TAFA2: variants seen among roughly 807,000 people sequenced by gnomAD.
TAFA2 encodes the protein chemokine-like protein TAFA-2.
TAFA2 carries 7 observed loss-of-function variants against 18.8 expected under a neutral mutation model. The ratio of observed to expected loss-of-function variants is 0.37; its 90% CI spans 0.21 to 0.70. The LOEUF (loss-of-function observed/expected upper bound fraction) is 0.70, where lower values mean the gene tolerates loss of function less well. Among genes scored for constraint, TAFA2 ranks in the 30% least tolerant of loss-of-function variants. The probability of loss-of-function intolerance (pLI) is 0.53; values close to 1 mark genes in which losing one functional copy is unlikely to be tolerated. For synonymous variants in TAFA2, 60 were observed against 54.2 expected (o/e 1.11, Z -0.47); for missense variants, 122 against 158.1 (o/e 0.77, Z 1.23).
intron 1 of TAFA2, among the ~76,000 whole-genome samples, chr12:61,914,331 C>G (rs144241020): frequency 1.1e-3 from 174 of 152,258 alleles, no homozygotes; most frequent in African/African-American, 3.9e-3. Flanking sequence ...TAGCCTCACA[C>G]CAGAAAAAGG....
rs77044463 is a variant in TAFA2, at chr12:61,728,738, C to T, written c.385-18321G>A. Among the ~76,000 whole-genome samples, 1,510 of 151,770 alleles carry T rather than the reference C, an allele frequency of 9.9e-3. 10 individuals are homozygous for T. The highest frequency in any genetic ancestry group is 0.027 in the Middle Eastern group (8 of 292). On this transcript the variant is annotated intron_variant, in intron 4 of 4. Transcript: ENST00000416284. ...ACATTTAGGCCATATACATTCAATG[C>T]GAATATTATTGAGATGTGAGGTACT...
chr12:62,092,812 T>C (rs1173719100), intron 1 of TAFA2, among the ~76,000 whole-genome samples: 2 of 152,042 alleles, frequency 1.3e-5, no homozygotes, highest in East Asian at 3.9e-4. Flanking sequence ...GGAAATATTC[T>C]ATCAAGGAAA....
chr12:61,826,826 G>T (rs1466637681), intron 2 of TAFA2, among the ~76,000 whole-genome samples: 1 of 150,834 alleles, frequency 6.6e-6, no homozygotes, highest in Non-Finnish European at 1.5e-5. Flanking sequence ...TTTTTTCTTG[G>T]GTTTTATGAT....
At chr12:61,718,422 G>A (rs1178072420) in intron 4 of TAFA2, among the ~76,000 whole-genome samples, 3 of 152,120 alleles carry the variant, frequency 2.0e-5, no homozygotes, top group Non-Finnish European at 2.9e-5. Flanking sequence ...CATTTGTTAA[G>A]ACAAGACTTT....
intron 1 of TAFA2, among the ~76,000 whole-genome samples, chr12:62,017,568 G>A (rs1015060400): frequency 6.6e-6 from 1 of 152,102 alleles, no homozygotes; most frequent in Non-Finnish European, 1.5e-5. Flanking sequence ...AGACCTAAGA[G>A]TTGGCCACGT....
At chr12:62,061,435 G>A (rs190605105) in intron 1 of TAFA2, among the ~76,000 whole-genome samples, 2 of 152,202 alleles carry the variant, frequency 1.3e-5, no homozygotes, top group African/African-American at 4.8e-5. Flanking sequence ...GTGTGTAGTC[G>A]GCTTTACTAT....
chr12:62,056,036 G>T (rs1257518862), intron 1 of TAFA2, among the ~76,000 whole-genome samples: 1 of 152,092 alleles, frequency 6.6e-6, no homozygotes, highest in Non-Finnish European at 1.5e-5. Context: ...TTCAGTATAT[G>T]CCCACAATAT....
chr12:61,876,801 A>G (rs1023170981), intron 1 of TAFA2, among the ~76,000 whole-genome samples: 2 of 152,148 alleles, frequency 1.3e-5, no homozygotes, highest in Non-Finnish European at 2.9e-5. Flanking sequence ...AGACTGTTTA[A>G]TCAACTTCAC....
chr12:62,043,535 G>T lies in TAFA2; in HGVS notation c.-2+147724C>A, dbSNP rs1437811164. Among the ~76,000 whole-genome samples the T allele has an allele frequency of 3.9e-5, 6 of 152,024 alleles. No homozygotes were observed. In the South Asian group the frequency reaches 1.0e-3, roughly 26 times the overall value. On this transcript the variant is annotated intron_variant, in intron 1 of 4. Transcript: ENST00000416284. ...GTTAAATGGCGAGTTAATGGGTGCA[G>T]CACACCAACATGGCACATGTATACA...
chr12:62,019,831 A>C lies in TAFA2; in HGVS notation c.-1-152405T>G, dbSNP rs139751670. Among the ~76,000 whole-genome samples the C allele has an allele frequency of 7.7e-3, 1,173 of 152,174 alleles. 15 individuals are homozygous for C. Among genetic ancestry groups the C allele is most frequent in the African/African-American group, 0.027 (1,122 of 41,554 alleles). On this transcript the variant is annotated intron_variant, in intron 1 of 4. Coordinates refer to ENST00000416284, the MANE Select transcript of TAFA2 (RefSeq NM_178539.5). ...ACTTAAAGTATAATAAAAAAATTTA[A>C]AAAAATAGAATAAAATAAAATAAAA...
At chr12:61,936,453 A>G (rs1354591141) in intron 1 of TAFA2, among the ~76,000 whole-genome samples, 3 of 152,158 alleles carry the variant, frequency 2.0e-5, no homozygotes, top group African/African-American at 7.2e-5. Context: ...CTGTAGTCCC[A>G]GCTACACAGG....
rs990501266 is a variant in TAFA2, at chr12:61,871,725, A to G, written c.-1-4299T>C. ...TTCTCCCACTCTTCTCTTCTGTTAC[A>G]TATTTCACTTATGTACACGGAACTT... On this transcript the variant is annotated intron_variant, in intron 1 of 4. Coordinates refer to ENST00000416284, the MANE Select transcript of TAFA2 (RefSeq NM_178539.5). 2.0e-5 allele frequency among the ~76,000 whole-genome samples: 3 copies of G among 152,202 alleles called. 1 individual carries two copies.
At chr12:61,896,014 G>A (rs539386505) in intron 1 of TAFA2, among the ~76,000 whole-genome samples, 2 of 151,988 alleles carry the variant, frequency 1.3e-5, no homozygotes, top group Admixed American at 6.6e-5. Context: ...ATTAGTGAGA[G>A]AGAAGACAGA....
At chr12:62,122,706 A>T (rs139186752) in intron 1 of TAFA2, among the ~76,000 whole-genome samples, 1 of 152,270 alleles carries the variant, frequency 6.6e-6, no homozygotes, top group East Asian at 1.9e-4. Flanking sequence ...ATAACATACA[A>T]AGGGCTAGGA....
chr12:62,252,057 C>T (rs186143152), intron 1 of TAFA2: 2 of 152,296 alleles, frequency 1.3e-5, no homozygotes, highest in Admixed American at 1.3e-4. Flanking sequence ...AAAAGTGATA[C>T]TCAATATATG....
At chr12:61,714,750 A>C (rs1035398209) in intron 4 of TAFA2, among the ~76,000 whole-genome samples, 1 of 152,232 alleles carries the variant, frequency 6.6e-6, no homozygotes, top group African/African-American at 2.4e-5. Context: ...GAAATTCAAT[A>C]ATCTATTCTG....
chr12:62,257,181 T>TATACACA (rs1412079618), intron 1 of TAFA2, among the ~76,000 whole-genome samples: 4 of 151,822 alleles, frequency 2.6e-5, no homozygotes, highest in Non-Finnish European at 5.9e-5. Flanking sequence ...TGTGTGTGTG[T>TATACACA]GTGTGTGTGT....
chr12:62,003,651 TTTG>T (rs1565712163), intron 1 of TAFA2, among the ~76,000 whole-genome samples: 1 of 152,190 alleles, frequency 6.6e-6, no homozygotes, highest in Non-Finnish European at 1.5e-5. Flanking sequence ...TACTATACAA[TTTG>T]TTTATTTATT....
intron 1 of TAFA2, among the ~76,000 whole-genome samples, chr12:62,017,495 A>C (rs1296103750): frequency 6.6e-6 from 1 of 152,156 alleles, no homozygotes. Flanking sequence ...GTCATTAAGG[A>C]GTTAGTAATC....
Sources: gnomAD v4.1 joint callset for allele counts (sites outside exome capture counted in the v4.1 genomes callset) on GRCh38, gnomAD v4.1.1 for gene constraint, MANE v1.5 for transcripts, NCBI Gene and HGNC (gene_info 2026-07-23, HGNC 2026-07-21) for gene names.